Variants in NCAM1 observed in about 807,000 individuals in gnomAD.
NCAM1 encodes neural cell adhesion molecule 1.
A neutral mutation model predicts 109.8 loss-of-function variants in NCAM1; 14 were observed. The observed-to-expected ratio is 0.13, with a 90% CI of 0.08 to 0.20. The LOEUF (loss-of-function observed/expected upper bound fraction) is 0.20, where lower values mean the gene tolerates loss of function less well. Ranked by LOEUF, NCAM1 falls within the 10% of genes least tolerant of loss-of-function variation. NCAM1 has a pLI of 1.00. For missense variants in NCAM1, 774 were observed against 1,109.9 expected (o/e 0.70, Z 4.30); for synonymous variants, 418 against 442.9 (o/e 0.94, Z 0.70).
chr11:113,275,213 C>G, intron 19 of NCAM1, 54 bp from the exon 20 acceptor site: 1 of 1,605,946 alleles, frequency 6.2e-7, no homozygotes. Context: ...GATGCAGGGG[C>G]GAGATGTCTG....
intron 1 of NCAM1, chr11:113,130,623 G>T (rs1555098168): frequency 6.6e-6 from 1 of 152,176 alleles, no homozygotes; most frequent in Non-Finnish European, 1.5e-5. Flanking sequence ...TTGTACCATT[G>T]TCTTGTTATT....
At chr11:113,260,498 G>A (rs1329172782) in intron 17 of NCAM1, 175 bp downstream of exon 17, 17 of 645,772 alleles carry the variant, frequency 2.6e-5, no homozygotes, top group Non-Finnish European at 3.7e-5. Flanking sequence ...GGGGTGAGAT[G>A]TACTGGACCC....
At chr11:113,092,215 C>T (rs1400215627) in intron 1 of NCAM1, among the ~76,000 whole-genome samples, 1 of 152,104 alleles carries the variant, frequency 6.6e-6, no homozygotes, top group Non-Finnish European at 1.5e-5. Context: ...AATTAAACTT[C>T]ATAATGTGCC....
At chr11:113,069,035 T>G (rs543328593) in intron 1 of NCAM1, among the ~76,000 whole-genome samples, 36 of 152,122 alleles carry the variant, frequency 2.4e-4, no homozygotes, top group Non-Finnish European at 4.1e-4. Flanking sequence ...CATTTATTGA[T>G]TTACAGATAT....
intron 1 of NCAM1, among the ~76,000 whole-genome samples, chr11:113,169,036 CTGTGTGTGTGTG>C (rs10562516): frequency 1.9e-4 from 28 of 146,792 alleles, no homozygotes; most frequent in South Asian, 1.6e-3. Flanking sequence ...CTTCCTCTTT[CTGTGTGTGTGTG>C]TGTGTGTGTG....
intron 1 of NCAM1, among the ~76,000 whole-genome samples, chr11:113,012,493 A>G (rs1182935443): frequency 1.3e-5 from 2 of 152,198 alleles, no homozygotes; most frequent in Non-Finnish European, 1.5e-5. Context: ...CCTTCAAAAA[A>G]CAGAAATACA....
chr11:112,961,557 G>T lies in NCAM1; in HGVS notation c.-56G>T, dbSNP rs781985812. 3.7e-5 allele frequency: 42 copies of T among 1,120,924 alleles called. No individual in the cohort carries two copies. The highest frequency in any genetic ancestry group is 3.5e-4 in the South Asian group (28 of 80,654). 69.4% of individuals were successfully genotyped at this position (1,120,924 alleles called of 1,614,324 possible). ...AGCCGCCGTCCACACTCGCTGCAGGGGGGGGGGCACAGAATTTACCGCGGC... is the reference window on the plus strand; with the variant it reads ...AGCCGCCGTCCACACTCGCTGCAGGTGGGGGGGCACAGAATTTACCGCGGC... On this transcript the variant is annotated 5_prime_UTR_variant, in exon 1 of 20. Coordinates refer to ENST00000316851, the MANE Select transcript of NCAM1 (RefSeq NM_181351.5).
chr11:113,007,351 T>C (rs1951917861), intron 1 of NCAM1, among the ~76,000 whole-genome samples: 1 of 152,182 alleles, frequency 6.6e-6, no homozygotes, highest in South Asian at 2.1e-4. Flanking sequence ...TAAGCCACCA[T>C]GTCTGGTCTG....
At chr11:113,214,103 C>T (rs576058122) in intron 7 of NCAM1, among the ~76,000 whole-genome samples, 7 of 152,352 alleles carry the variant, frequency 4.6e-5, no homozygotes, top group African/African-American at 7.2e-5. Context: ...ATCCAGGGAG[C>T]GATCTTCCGC....
rs574291320 is a variant in NCAM1, at chr11:113,139,744, G to A, written c.53-62635G>A. On this transcript the variant is annotated intron_variant, in intron 1 of 19. Transcript: ENST00000316851. ...CAGAATTGGCTTCAAAAATCTTTCT[G>A]TACATTTTCAGCAAAAAAAAAAGTC... is the stretch of plus-strand genomic sequence containing the variant. Among the ~76,000 whole-genome samples, 238 of 151,170 alleles carry A rather than the reference G, an allele frequency of 1.6e-3. 1 individual carries two copies. Among genetic ancestry groups the A allele is most frequent in the Non-Finnish European group, 2.9e-3 (198 of 67,844 alleles).
intron 14 of NCAM1, 162 bp from the exon 15 acceptor site, chr11:113,246,206 A>G: frequency 1.8e-6 from 1 of 542,468 alleles, no homozygotes; most frequent in South Asian, 2.8e-5. Context: ...TTTGTTGTTG[A>G]TTTTTCTCCC....
At chr11:113,207,741 G>T in intron 6 of NCAM1, 92 bp from the exon 7 acceptor site, 1 of 1,357,306 alleles carries the variant, frequency 7.4e-7, no homozygotes. Context: ...CTTTCCCATT[G>T]ACTCAGTCTG....
At chr11:113,143,168 C>T (rs573619449) in intron 1 of NCAM1, among the ~76,000 whole-genome samples, 2 of 151,796 alleles carry the variant, frequency 1.3e-5, no homozygotes, top group African/African-American at 4.9e-5. Context: ...ATTATCCCTC[C>T]GAAATGTATT....
chr11:113,227,513 G>A (rs1346275561), intron 9 of NCAM1, among the ~76,000 whole-genome samples: 2 of 152,184 alleles, frequency 1.3e-5, no homozygotes, highest in Non-Finnish European at 2.9e-5. Flanking sequence ...ACAAGGAGGA[G>A]CTGGTACCAT....
intron 1 of NCAM1, among the ~76,000 whole-genome samples, chr11:113,107,355 G>C (rs12295458): frequency 0.019 from 2,898 of 152,216 alleles, 88 homozygotes; most frequent in African/African-American, 0.066. Context: ...TGTGCAAAGC[G>C]CCAGGCTTTT....
chr11:112,988,994 C>T (rs1382203423), intron 1 of NCAM1, among the ~76,000 whole-genome samples: 1 of 152,114 alleles, frequency 6.6e-6, no homozygotes, highest in East Asian at 1.9e-4. Flanking sequence ...GTGATATGCC[C>T]ACCTTGGCTT....
intron 8 of NCAM1, among the ~76,000 whole-genome samples, chr11:113,219,240 C>G (rs568305620): frequency 1.3e-5 from 2 of 152,190 alleles, no homozygotes; most frequent in Non-Finnish European, 2.9e-5. Context: ...TTTTGAAGTT[C>G]TGGATTCTTT....
chr11:113,266,510 T>A (rs1946136255), intron 17 of NCAM1, among the ~76,000 whole-genome samples: 1 of 152,040 alleles, frequency 6.6e-6, no homozygotes, highest in South Asian at 2.1e-4. Flanking sequence ...GGGTGGCAAA[T>A]CATGGGATCA....
At chr11:113,234,604 A>G (rs1241116123) in intron 13 of NCAM1, among the ~76,000 whole-genome samples, 3 of 152,224 alleles carry the variant, frequency 2.0e-5, no homozygotes, top group African/African-American at 4.8e-5. Flanking sequence ...AGGTTCATCC[A>G]TGTTGTAGCA....
Sources: allele counts gnomAD v4.1 joint callset (sites outside exome capture counted in the v4.1 genomes callset), GRCh38; gene constraint gnomAD v4.1.1; transcripts MANE v1.5; gene names NCBI Gene and HGNC (gene_info 2026-07-23, HGNC 2026-07-21).